The following APBB2 variants were observed in gnomAD, a reference collection of about 807,000 sequenced individuals.
APBB2 encodes the protein amyloid beta precursor protein binding family B member 2, also known as Fe65-like 1.
A neutral mutation model predicts 82.5 loss-of-function variants in APBB2; 38 were observed. The observed-to-expected ratio is 0.46, with a 90% confidence interval of 0.36 to 0.60. The LOEUF is 0.60. APBB2 is among the 20% of genes least tolerant of loss of function. APBB2 has a pLI of 0.00. For missense variants in APBB2, 772 were observed against 972.3 expected, an observed-to-expected ratio of 0.79 and a Z score of 2.74; for synonymous variants, 341 against 368.2, an observed-to-expected ratio of 0.93 and a Z score of 0.85.
intron 4 of APBB2, among the ~76,000 whole-genome samples, chr4:41,041,516 T>G (rs1385396827): frequency 6.6e-6 from 1 of 152,254 alleles, no homozygotes; most frequent in Admixed American, 6.5e-5. Flanking sequence ...GTAATAATTT[T>G]TTTGCCATTC....
chr4:40,812,236 G>C lies in APBB2; in HGVS notation c.*3856C>G, dbSNP rs919975397. 2 of 152,174 alleles carry C rather than the reference G, an allele frequency of 1.3e-5. No homozygotes were observed. The highest frequency in any genetic ancestry group is 2.4e-5 in the African/African-American group (1 of 41,420). The allele number at this position is 152,174 out of a possible 1,614,324, so 9.4% of individuals were successfully genotyped here. On this transcript the variant is annotated 3_prime_UTR_variant, in exon 18 of 18. Coordinates refer to ENST00000508593, the MANE Select transcript of APBB2 (RefSeq NM_004307.2). ...GGTAAGAATAATTTAAAAATAACTA[G>C]AGACACCGAGTTTCTATTTCTATTC...
At chr4:40,914,389 C>T (rs889413606) in intron 10 of APBB2, among the ~76,000 whole-genome samples, 13 of 151,378 alleles carry the variant, frequency 8.6e-5, no homozygotes, top group African/African-American at 3.2e-4. Context: ...ATCAAAAAAA[C>T]AAAAAAATAA....
At chr4:41,020,395 T>C (rs184457464) in intron 5 of APBB2, among the ~76,000 whole-genome samples, 228 of 152,264 alleles carry the variant, frequency 1.5e-3, no homozygotes, top group African/African-American at 5.3e-3. Flanking sequence ...AAAGACACAA[T>C]GGGTATTCAG....
At chr4:41,001,554 T>C (rs6832976) in intron 6 of APBB2, among the ~76,000 whole-genome samples, 11,576 of 152,208 alleles carry the variant, frequency 0.076, 534 homozygotes, top group African/African-American at 0.12. Flanking sequence ...GAAATCCAAT[T>C]ATATTCAAGA....
chr4:40,859,782 C>T (rs115178185), intron 12 of APBB2, among the ~76,000 whole-genome samples: 1,596 of 152,324 alleles, frequency 0.01, 24 homozygotes, highest in African/African-American at 0.032. Flanking sequence ...CACATTCCCT[C>T]CTCTTTGTCT....
At chr4:41,023,274 T>C (rs1712491617) in intron 5 of APBB2, among the ~76,000 whole-genome samples, 2 of 152,198 alleles carry the variant, frequency 1.3e-5, no homozygotes, top group African/African-American at 2.4e-5. Flanking sequence ...TCTTGCATAC[T>C]TCCTCAGTAG....
At chr4:41,008,818 C>G (rs1039511920) in intron 6 of APBB2, among the ~76,000 whole-genome samples, 1 of 152,226 alleles carries the variant, frequency 6.6e-6, no homozygotes, top group Non-Finnish European at 1.5e-5. Context: ...GATTTGAACT[C>G]AGGAAGCTCA....
rs1331594231 is a variant in APBB2, at chr4:41,043,444, T to C, written c.-50-10140A>G. On this transcript the variant is annotated intron_variant, in intron 4 of 17. Coordinates refer to ENST00000508593, the MANE Select transcript of APBB2 (RefSeq NM_004307.2). Reference sequence around the variant, plus strand: ...TTGCCTACACAATGCTTTCAATTTTTCTGTTTGAAACTTCTCATAATAAAA... The same window carrying C: ...TTGCCTACACAATGCTTTCAATTTTCCTGTTTGAAACTTCTCATAATAAAA... Among the ~76,000 whole-genome samples, 6 of 152,370 alleles carry C rather than the reference T, an allele frequency of 3.9e-5. No individual in the cohort carries two copies. In the East Asian group the frequency reaches 9.6e-4, roughly 24 times the overall value.
At chr4:40,851,738 A>ATATATATATATAT (rs1192919460) in intron 12 of APBB2, among the ~76,000 whole-genome samples, 17 of 67,742 alleles carry the variant, frequency 2.5e-4, no homozygotes, top group East Asian at 1.5e-3. Context: ...ATATATATAT[A>ATATATATATATAT]TTTTTTTTTT....
At chr4:40,898,325 G>A (rs1334805339) in intron 10 of APBB2, among the ~76,000 whole-genome samples, 7 of 152,234 alleles carry the variant, frequency 4.6e-5, no homozygotes, top group Middle Eastern at 3.4e-3. Flanking sequence ...GTGCAGTGGC[G>A]TGGCGTCAGC....
chr4:40,858,454 C>CAAAAAAAAAAAAAAAAAAAAAAAAAA (rs34433911), intron 12 of APBB2, among the ~76,000 whole-genome samples: 19 of 57,718 alleles, frequency 3.3e-4, no homozygotes, highest in Non-Finnish European at 4.3e-4. Flanking sequence ...GAGTCCGTCT[C>CAAAAAAAAAAAAAAAAAAAAAAAAAA]AAAAAAAAAA....
At chr4:40,819,582 C>T (rs1747094906) in intron 17 of APBB2, among the ~76,000 whole-genome samples, 1 of 151,774 alleles carries the variant, frequency 6.6e-6, no homozygotes. Context: ...TCAAGACCAA[C>T]CTGGGGAATA....
chr4:40,830,658 T>C (rs1217902333), intron 12 of APBB2, 81 bp from the exon 13 acceptor site: 7 of 821,422 alleles, frequency 8.5e-6, no homozygotes, highest in Non-Finnish European at 1.5e-5. Context: ...TTAACTGAGC[T>C]AGCAGCCAGC....
chr4:40,934,918 A>G (rs1209581013), intron 8 of APBB2, 159 bp downstream of exon 8: 3 of 714,162 alleles, frequency 4.2e-6, no homozygotes, highest in Non-Finnish European at 6.9e-6. Context: ...GAGACACCAA[A>G]AAAAGGCAAC....
chr4:40,881,833 C>T (rs1578171508), intron 12 of APBB2, among the ~76,000 whole-genome samples: 3 of 151,918 alleles, frequency 2.0e-5, no homozygotes, highest in South Asian at 2.1e-4. Context: ...TGCGCCCGGC[C>T]GAGACCCATT....
At chr4:40,948,253 C>A (rs1788998138) in intron 6 of APBB2, among the ~76,000 whole-genome samples, 1 of 152,086 alleles carries the variant, frequency 6.6e-6, no homozygotes, top group Non-Finnish European at 1.5e-5. Context: ...TTTTGTTTAA[C>A]CTTCATAGCC....
chr4:41,029,379 G>C (rs1212738871), intron 5 of APBB2, among the ~76,000 whole-genome samples: 2 of 152,184 alleles, frequency 1.3e-5, no homozygotes, highest in African/African-American at 2.4e-5. Flanking sequence ...TTATCAATAA[G>C]GCAGCTTGGG....
intron 13 of APBB2, among the ~76,000 whole-genome samples, chr4:40,827,700 C>T (rs1750420808): frequency 6.6e-6 from 1 of 152,188 alleles, no homozygotes; most frequent in South Asian, 2.1e-4. Flanking sequence ...CCTGTGTCTC[C>T]ACTGCACACG....
At position 41,065,607 on chromosome 4, in the gene APBB2, C is replaced by T. The variant is rs115404191; in HGVS notation, c.-82G>A. 1 of 151,870 alleles carries T rather than the reference C, an allele frequency of 6.6e-6. No individual in the cohort carries two copies. Among genetic ancestry groups the T allele is most frequent in the Non-Finnish European group, 1.5e-5 (1 of 67,998 alleles). The allele number at this position is 151,870 out of a possible 1,614,324, so 9.4% of individuals were successfully genotyped here. ...TGCCTGGACAACAGTGAGCCCATAGCGACAGTCAACACATTGGCAGAGGCC... is the reference window on the plus strand; with the variant it reads ...TGCCTGGACAACAGTGAGCCCATAGTGACAGTCAACACATTGGCAGAGGCC... On this transcript the variant is annotated 5_prime_UTR_variant, in exon 4 of 18. Coordinates refer to ENST00000508593, the MANE Select transcript of APBB2 (RefSeq NM_004307.2).
Sources: gnomAD v4.1 joint callset for allele counts (sites outside exome capture counted in the v4.1 genomes callset) on GRCh38, gnomAD v4.1.1 for gene constraint, MANE v1.5 for transcripts, NCBI Gene and HGNC (gene_info 2026-07-23, HGNC 2026-07-21) for gene names.